MERTK: variants seen among roughly 807,000 people sequenced by gnomAD.
The protein encoded by MERTK is tyrosine-protein kinase Mer.
Under a neutral mutation model 99.3 loss-of-function variants are expected in MERTK, and 69 were observed. The ratio of observed to expected loss-of-function variants is 0.70; its 90% confidence interval spans 0.57 to 0.85. The LOEUF (loss-of-function observed/expected upper bound fraction) is 0.85, where lower values mean the gene tolerates loss of function less well. Among genes scored for constraint, MERTK ranks in the 40% least tolerant of loss-of-function variants. The probability of loss-of-function intolerance (pLI) is 0.00; values close to 1 mark genes in which losing one functional copy is unlikely to be tolerated. For missense variants in MERTK, 1,125 were observed against 1,249.4 expected, an observed-to-expected ratio of 0.90 and a Z score of 1.50; for synonymous variants, 426 against 467.6, an observed-to-expected ratio of 0.91 and a Z score of 1.15.
At chr2:112,014,888 T>C (rs6709662) in intron 15 of MERTK, among the ~76,000 whole-genome samples, 93,666 of 151,964 alleles carry the variant, frequency 0.62, 29,271 homozygotes, top group Middle Eastern at 0.7. Context: ...ATCCACCCGC[T>C]TTGGCCTCCC....
rs907493494 is a variant in MERTK at position 112,029,126 on chromosome 2, A to G, written c.*262A>G. Reference sequence around the variant, plus strand: ...ACTTATTTCATTTCACTTATCTTGCATATCTTAAAATTAAGCTTCAGCTGC... The same window carrying G: ...ACTTATTTCATTTCACTTATCTTGCGTATCTTAAAATTAAGCTTCAGCTGC... On this transcript the variant is annotated 3_prime_UTR_variant, in exon 19 of 19. Transcript: ENST00000295408. 17 of 1,132,640 alleles carry G rather than the reference A, an allele frequency of 1.5e-5. No homozygotes were observed. Among genetic ancestry groups the G allele is most frequent in the South Asian group, 8.7e-5 (3 of 34,374 alleles). 70.2% of individuals were successfully genotyped at this position (1,132,640 alleles called of 1,614,324 possible).
chr2:111,915,644 C>G (rs1383800903), intron 1 of MERTK, among the ~76,000 whole-genome samples: 2 of 151,970 alleles, frequency 1.3e-5, no homozygotes, highest in Admixed American at 6.6e-5. Flanking sequence ...CGTGGTAATC[C>G]CAGCACTTTG....
intron 15 of MERTK, 26 bp from the exon 16 acceptor site, chr2:112,019,383 GTCTT>G (rs745396820): frequency 6.5e-7 from 1 of 1,544,582 alleles, no homozygotes; most frequent in South Asian, 1.1e-5. Flanking sequence ...TTAAAAGATA[GTCTT>G]TCTTCTTGTT....
intron 2 of MERTK, chr2:111,930,283 A>C (rs948757692): frequency 6.6e-6 from 1 of 152,256 alleles, no homozygotes; most frequent in African/African-American, 2.4e-5. Context: ...GGGTATCTGC[A>C]TCAATATGGG....
intron 7 of MERTK, among the ~76,000 whole-genome samples, chr2:111,979,758 T>C (rs1172545465): frequency 2.6e-5 from 4 of 152,206 alleles, no homozygotes; most frequent in Non-Finnish European, 4.4e-5. Context: ...GTTTTTTTCA[T>C]TGAAAATTTT....
chr2:111,922,198 G>T (rs1260880344), intron 1 of MERTK, among the ~76,000 whole-genome samples: 1 of 152,192 alleles, frequency 6.6e-6, no homozygotes, highest in African/African-American at 2.4e-5. Flanking sequence ...AGCATGGAGG[G>T]ACTCCAGGGC....
At chr2:111,987,510 C>G (rs1275586051) in intron 8 of MERTK, among the ~76,000 whole-genome samples, 1 of 152,144 alleles carries the variant, frequency 6.6e-6, no homozygotes, top group Non-Finnish European at 1.5e-5. Context: ...GGGCCTTGAC[C>G]TTGCTTTGTA....
Position 111,944,375 on chromosome 2 carries a change from C to A in MERTK, c.483-585C>A, listed in dbSNP as rs576147049. ...ATTAGTCAGGGTTTTTCCAAGAAAC[C>A]GAACCTATAGGATCTGTGTCTACAG... On this transcript the variant is annotated intron_variant, in intron 2 of 18. Coordinates refer to ENST00000295408, the MANE Select transcript of MERTK (RefSeq NM_006343.3). 2.0e-5 allele frequency among the ~76,000 whole-genome samples: 3 copies of A among 150,526 alleles called. No individual in the cohort carries two copies. In the East Asian group the frequency reaches 5.9e-4, roughly 29 times the overall value.
intron 16 of MERTK, among the ~76,000 whole-genome samples, chr2:112,021,057 G>A (rs145688178): frequency 0.014 from 2,119 of 151,636 alleles, 17 homozygotes; most frequent in Middle Eastern, 0.041. Flanking sequence ...AAAATTAGCC[G>A]GCTGTGGTAG....
At chr2:112,023,371 G>A (rs901873276) in intron 18 of MERTK, among the ~76,000 whole-genome samples, 1 of 152,080 alleles carries the variant, frequency 6.6e-6, no homozygotes, top group Non-Finnish European at 1.5e-5. Flanking sequence ...CTGAGATCGT[G>A]CCACTGCACT....
At chr2:111,940,854 T>G in intron 2 of MERTK, 1 of 829,320 alleles carries the variant, frequency 1.2e-6, no homozygotes, top group Non-Finnish European at 2.1e-6. Context: ...TGAGATACTT[T>G]TGAAAGAACT....
At chr2:111,917,140 G>A (rs1684366015) in intron 1 of MERTK, among the ~76,000 whole-genome samples, 1 of 152,190 alleles carries the variant, frequency 6.6e-6, no homozygotes, top group African/African-American at 2.4e-5. Flanking sequence ...CCCAGATACT[G>A]CCCCAGTAGG....
chr2:111,975,155 T>C lies in MERTK; in HGVS notation c.961-134T>C, dbSNP rs1196975762. 3.6e-6 allele frequency: 3 copies of C among 838,412 alleles called. No individual in the cohort carries two copies. In the East Asian group the frequency reaches 7.3e-5, roughly 20 times the overall value. The allele number at this position is 838,412 out of a possible 1,614,324, so 51.9% of individuals were successfully genotyped here. A position where few individuals can be genotyped will look rare whatever the true frequency, so the allele number is the denominator to read the frequency against. Reference sequence around the variant, plus strand: ...AGTGATGCTAGCGGTAAAATGTGTGTGTGCCCAGAAAGGAAGCAGGTCCTT... The same window carrying C: ...AGTGATGCTAGCGGTAAAATGTGTGCGTGCCCAGAAAGGAAGCAGGTCCTT... On this transcript the variant is annotated intron_variant, in intron 6 of 18. Transcript: ENST00000295408.
chr2:111,991,031 T>G (rs1676605058), intron 8 of MERTK, among the ~76,000 whole-genome samples: 1 of 152,140 alleles, frequency 6.6e-6, no homozygotes, highest in Non-Finnish European at 1.5e-5. Flanking sequence ...GGCTTGTCCT[T>G]TGGAGGAGCT....
intron 4 of MERTK, among the ~76,000 whole-genome samples, chr2:111,963,925 T>C (rs972932790): frequency 3.0e-4 from 45 of 152,172 alleles, no homozygotes; most frequent in Non-Finnish European, 6.2e-4. Flanking sequence ...AGGAAGGCCA[T>C]AGAGGTGAAG....
intron 1 of MERTK, among the ~76,000 whole-genome samples, chr2:111,924,779 T>G (rs1056238082): frequency 3.3e-5 from 5 of 152,164 alleles, no homozygotes; most frequent in Non-Finnish European, 5.9e-5. Context: ...CCAAACTGGT[T>G]GGGCTACTTC....
chr2:111,945,202 A>C (rs879611154), intron 3 of MERTK, 142 bp downstream of exon 3: 14 of 685,384 alleles, frequency 2.0e-5, no homozygotes, highest in Non-Finnish European at 3.2e-5. Context: ...TCAGCACTGA[A>C]ATTTTACAAG....
intron 4 of MERTK, among the ~76,000 whole-genome samples, chr2:111,964,300 C>A (rs1000013319): frequency 6.6e-6 from 1 of 151,782 alleles, no homozygotes; most frequent in Non-Finnish European, 1.5e-5. Context: ...TCAAATTGTT[C>A]CAGCTTTGGC....
chr2:111,944,824 G>T, intron 2 of MERTK, 136 bp from the exon 3 acceptor site: 2 of 747,566 alleles, frequency 2.7e-6, no homozygotes, highest in South Asian at 2.9e-5. Context: ...AAACAACTGC[G>T]TACAATGGCC....
Sources: gnomAD v4.1 joint callset for allele counts (sites outside exome capture counted in the v4.1 genomes callset) on GRCh38, gnomAD v4.1.1 for gene constraint, MANE v1.5 for transcripts, NCBI Gene and HGNC (gene_info 2026-07-23, HGNC 2026-07-21) for gene names.